The following WDFY2 variants were observed in gnomAD, a reference collection of about 807,000 sequenced individuals.
The protein encoded by WDFY2 is WD repeat and FYVE domain-containing protein 2.
A neutral mutation model predicts 56.4 loss-of-function variants in WDFY2; 36 were observed. That is an observed-to-expected ratio of 0.64 (90% confidence interval 0.49 to 0.84). WDFY2 has a LOEUF of 0.84. Among genes scored for constraint, WDFY2 ranks in the 40% least tolerant of loss-of-function variants. The pLI is 0.00. For synonymous variants in WDFY2, 176 were observed against 183.7 expected (o/e 0.96, Z 0.34); for missense variants, 444 against 512.2 (o/e 0.87, Z 1.29).
At chr13:51,652,292 G>C (rs373791638) in intron 1 of WDFY2, among the ~76,000 whole-genome samples, 2 of 152,180 alleles carry the variant, frequency 1.3e-5, no homozygotes, top group African/African-American at 4.8e-5. Flanking sequence ...TTGAGCCTAT[G>C]TGTGTCTCTG....
intron 1 of WDFY2, among the ~76,000 whole-genome samples, chr13:51,654,331 C>T (rs981060409): frequency 2.6e-5 from 4 of 152,188 alleles, no homozygotes; most frequent in African/African-American, 9.6e-5. Context: ...TAAAGGGATT[C>T]CCTGACCCCT....
chr13:51,588,316 C>G (rs532057597), intron 1 of WDFY2: 1 of 152,320 alleles, frequency 6.6e-6, no homozygotes, highest in South Asian at 2.1e-4. Context: ...TTAGTGGCAG[C>G]CTCTTCAAGT....
chr13:51,712,305 G>C (rs1235985411), intron 4 of WDFY2, among the ~76,000 whole-genome samples: 1 of 152,118 alleles, frequency 6.6e-6, no homozygotes, highest in Non-Finnish European at 1.5e-5. Context: ...CGTGGTGTGG[G>C]GGGAGCGGGG....
chr13:51,694,110 A>T (rs1951809500), intron 3 of WDFY2, among the ~76,000 whole-genome samples: 1 of 152,156 alleles, frequency 6.6e-6, no homozygotes, highest in Non-Finnish European at 1.5e-5. Context: ...TGAATACAGC[A>T]CACTGATGGG....
chr13:51,639,827 T>C (rs182681262), intron 1 of WDFY2, among the ~76,000 whole-genome samples: 107 of 152,338 alleles, frequency 7.0e-4, no homozygotes, highest in African/African-American at 2.4e-3. Flanking sequence ...TCATCTACTC[T>C]GCTAACTTCA....
intron 1 of WDFY2, among the ~76,000 whole-genome samples, chr13:51,643,462 C>A (rs1272997130): frequency 1.3e-5 from 2 of 152,150 alleles, no homozygotes; most frequent in Non-Finnish European, 2.9e-5. Flanking sequence ...CAGACCATGC[C>A]CTCCCACTGT....
At chr13:51,755,531 T>C (rs756316813) in intron 9 of WDFY2, 72 bp downstream of exon 9, 2 of 1,464,774 alleles carry the variant, frequency 1.4e-6, no homozygotes, top group Admixed American at 1.7e-5. Context: ...TTAGAAGAAA[T>C]AACACCCCTG....
chr13:51,686,180 G>A (rs1167642240), intron 3 of WDFY2, among the ~76,000 whole-genome samples: 1 of 152,134 alleles, frequency 6.6e-6, no homozygotes, highest in Non-Finnish European at 1.5e-5. Flanking sequence ...GTCTGTATCT[G>A]TATCCCAGGT....
At chr13:51,647,677 T>C (rs371610452) in intron 1 of WDFY2, among the ~76,000 whole-genome samples, 8 of 152,064 alleles carry the variant, frequency 5.3e-5, no homozygotes, top group African/African-American at 1.9e-4. Flanking sequence ...AGATCACTAT[T>C]TGAGTTCAGT....
intron 1 of WDFY2, among the ~76,000 whole-genome samples, chr13:51,624,619 A>G (rs565501940): frequency 3.9e-5 from 6 of 152,352 alleles, no homozygotes; most frequent in South Asian, 4.1e-4. Flanking sequence ...TGATAAGCCT[A>G]TGTTAGAAAG....
rs147956459 is a variant in WDFY2 at position 51,668,412 on chromosome 13, G to T, written c.206-6758G>T. On this transcript the variant is annotated intron_variant, in intron 2 of 11. Coordinates refer to ENST00000298125, the MANE Select transcript of WDFY2 (RefSeq NM_052950.4). Reference sequence around the variant, plus strand: ...TGTTATTACTCAGCCTAGATGAAAAGAAAACTAAATAGTTAATGTTAGTAG... The same window carrying T: ...TGTTATTACTCAGCCTAGATGAAAATAAAACTAAATAGTTAATGTTAGTAG... 2.2e-3 allele frequency among the ~76,000 whole-genome samples: 332 copies of T among 152,240 alleles called. 4 individuals carry two copies. Among genetic ancestry groups the T allele is most frequent in the African/African-American group, 7.7e-3 (320 of 41,530 alleles).
intron 1 of WDFY2, among the ~76,000 whole-genome samples, chr13:51,607,766 G>A (rs1456856682): frequency 3.9e-5 from 6 of 152,130 alleles, no homozygotes; most frequent in Non-Finnish European, 1.5e-5. Context: ...TGTTGTGATA[G>A]GCTGAATGAT....
At chr13:51,673,089 T>C (rs1955831947) in intron 2 of WDFY2, among the ~76,000 whole-genome samples, 1 of 152,228 alleles carries the variant, frequency 6.6e-6, no homozygotes, top group African/African-American at 2.4e-5. Context: ...ACTTTATATA[T>C]CATTGTAGGA....
chr13:51,700,384 C>T (rs1400688186), intron 3 of WDFY2, among the ~76,000 whole-genome samples: 1 of 152,134 alleles, frequency 6.6e-6, no homozygotes, highest in African/African-American at 2.4e-5. Context: ...ATGTGTATAT[C>T]TTTGATCTAA....
chr13:51,603,786 G>A (rs1954330993), intron 1 of WDFY2, among the ~76,000 whole-genome samples: 1 of 152,134 alleles, frequency 6.6e-6, no homozygotes, highest in Non-Finnish European at 1.5e-5. Flanking sequence ...TAAGAATTAA[G>A]CAAAATAATG....
At chr13:51,679,889 CCTTT>C (rs1458954729) in intron 3 of WDFY2, among the ~76,000 whole-genome samples, 2 of 152,066 alleles carry the variant, frequency 1.3e-5, no homozygotes, top group Non-Finnish European at 2.9e-5. Flanking sequence ...ACATTGCCTT[CCTTT>C]CTATGTCTCT....
chr13:51,625,154 A>G (rs1954816607), intron 1 of WDFY2, among the ~76,000 whole-genome samples: 1 of 152,204 alleles, frequency 6.6e-6, no homozygotes, highest in South Asian at 2.1e-4. Context: ...AGGAGACGTA[A>G]AAGTGGCTGT....
At chr13:51,597,501 C>T (rs1318683829) in intron 1 of WDFY2, among the ~76,000 whole-genome samples, 1 of 152,164 alleles carries the variant, frequency 6.6e-6, no homozygotes, top group Non-Finnish European at 1.5e-5. Flanking sequence ...ATTTTCAGGA[C>T]CCGACATTGC....
At chr13:51,682,786 T>TAGC (rs1956000323) in intron 3 of WDFY2, among the ~76,000 whole-genome samples, 1 of 152,188 alleles carries the variant, frequency 6.6e-6, no homozygotes, top group African/African-American at 2.4e-5. Context: ...TCATCATCAG[T>TAGC]AGCAGCATCC....
Sources: gnomAD v4.1 joint callset for allele counts (sites outside exome capture counted in the v4.1 genomes callset) on GRCh38, gnomAD v4.1.1 for gene constraint, MANE v1.5 for transcripts, NCBI Gene and HGNC (gene_info 2026-07-23, HGNC 2026-07-21) for gene names.